Variants in PCSK5 observed in about 807,000 individuals in gnomAD.
PCSK5 encodes the protein prohormone convertase 5.
A neutral mutation model predicts 233.2 loss-of-function variants in PCSK5; 129 were observed. The ratio of observed to expected loss-of-function variants is 0.55; its 90% CI spans 0.48 to 0.64. The LOEUF is 0.64. Among genes scored for constraint, PCSK5 ranks in the 30% least tolerant of loss-of-function variants. The probability of loss-of-function intolerance (pLI) is 0.00; values close to 1 mark genes in which losing one functional copy is unlikely to be tolerated. For synonymous variants in PCSK5, 825 were observed against 879.2 expected (o/e 0.94, Z 1.09); for missense variants, 2,076 against 2,430.1 (o/e 0.85, Z 3.06).
chr9:76,273,063 G>T (rs1469949473), intron 24 of PCSK5, among the ~76,000 whole-genome samples: 1 of 152,058 alleles, frequency 6.6e-6, no homozygotes, highest in African/African-American at 2.4e-5. Flanking sequence ...AAGGGGAACT[G>T]AATAAATCCT....
At chr9:76,294,716 A>T (rs572831704) in intron 25 of PCSK5, among the ~76,000 whole-genome samples, 47 of 152,130 alleles carry the variant, frequency 3.1e-4, no homozygotes, top group African/African-American at 8.2e-4. Context: ...ATAAATAAGT[A>T]TCAGTACCCC....
At chr9:76,243,580 C>T (rs1175482645) in intron 24 of PCSK5, among the ~76,000 whole-genome samples, 2 of 152,160 alleles carry the variant, frequency 1.3e-5, no homozygotes, top group African/African-American at 2.4e-5. Context: ...CTTTGTTGAT[C>T]TCTCCAATAG....
chr9:76,344,695 A>C (rs895322459), intron 35 of PCSK5, among the ~76,000 whole-genome samples: 1 of 152,076 alleles, frequency 6.6e-6, no homozygotes, highest in African/African-American at 2.4e-5. Context: ...TCATTACTGG[A>C]TGTGTGGGAC....
At chr9:76,096,228 G>T in intron 8 of PCSK5, 126 bp downstream of exon 8, 1 of 634,508 alleles carries the variant, frequency 1.6e-6, no homozygotes, top group Non-Finnish European at 2.7e-6. Context: ...AGTAATATAT[G>T]GAAATAGGAA....
At chr9:75,973,947 A>G (rs770712271) in intron 2 of PCSK5, among the ~76,000 whole-genome samples, 75 of 152,348 alleles carry the variant, frequency 4.9e-4, no homozygotes, top group Non-Finnish European at 6.8e-4. Flanking sequence ...TTGACACAAC[A>G]GACTCCAGGG....
chr9:76,155,681 C>T (rs960944401), intron 10 of PCSK5, among the ~76,000 whole-genome samples: 2 of 152,102 alleles, frequency 1.3e-5, no homozygotes, highest in Non-Finnish European at 2.9e-5. Context: ...GATGGATTGA[C>T]AAATTAATTA....
In PCSK5 at chr9:75,993,293, A is replaced by G. The variant is rs1219414170; in HGVS notation, c.411+7048A>G. Reference sequence around the variant, plus strand: ...AAATAATGGACTGGTAGGAACTAGTAAGAGTTGAGATGTGGTTTTGTTGTA... The same window carrying G: ...AAATAATGGACTGGTAGGAACTAGTGAGAGTTGAGATGTGGTTTTGTTGTA... On this transcript the variant is annotated intron_variant, in intron 3 of 37. Transcript: ENST00000674117. Among the ~76,000 whole-genome samples the G allele has an allele frequency of 2.6e-5, 4 of 152,078 alleles. No individual in the cohort carries two copies. The East Asian group carries it at 7.8e-4, about 29-fold the overall frequency.
At chr9:75,965,484 C>T (rs1825544382) in intron 2 of PCSK5, among the ~76,000 whole-genome samples, 1 of 152,154 alleles carries the variant, frequency 6.6e-6, no homozygotes, top group East Asian at 1.9e-4. Context: ...GGGCAGAAGA[C>T]CAGTGCCCCA....
At chr9:76,161,901 C>T (rs185303533) in intron 12 of PCSK5, among the ~76,000 whole-genome samples, 3 of 152,308 alleles carry the variant, frequency 2.0e-5, no homozygotes, top group Admixed American at 6.5e-5. Flanking sequence ...TATAGCGCAC[C>T]TCAGTCTCCC....
chr9:75,975,753 G>A (rs10781322), intron 2 of PCSK5, among the ~76,000 whole-genome samples: 93,069 of 152,028 alleles, frequency 0.61, 28,919 homozygotes, highest in Middle Eastern at 0.7. Flanking sequence ...CAATACTAAG[G>A]CCAGAGTGAT....
chr9:76,136,731 A>G (rs1317736224), intron 10 of PCSK5, among the ~76,000 whole-genome samples: 1 of 150,828 alleles, frequency 6.6e-6, no homozygotes, highest in African/African-American at 2.4e-5. Flanking sequence ...AAAGTAGTTT[A>G]AAAAAAAATA....
chr9:76,270,680 GAC>G (rs1255864839), intron 24 of PCSK5, among the ~76,000 whole-genome samples: 11 of 152,236 alleles, frequency 7.2e-5, no homozygotes, highest in Admixed American at 7.2e-4. Flanking sequence ...AGCCTGGAGA[GAC>G]ATTCTTTAGC....
At chr9:76,342,015 G>C (rs1726508585) in intron 35 of PCSK5, among the ~76,000 whole-genome samples, 2 of 152,188 alleles carry the variant, frequency 1.3e-5, no homozygotes. Context: ...TCTAGTCCTG[G>C]AGCAGAGAAG....
At chr9:76,282,465 A>G (rs1330066334) in intron 24 of PCSK5, among the ~76,000 whole-genome samples, 3 of 149,214 alleles carry the variant, frequency 2.0e-5, no homozygotes, top group African/African-American at 5.0e-5. Context: ...GACTACAAGC[A>G]CTTGCCAATA....
intron 5 of PCSK5, among the ~76,000 whole-genome samples, chr9:76,040,377 C>CTGTCTCTCTG (rs1563988613): frequency 5.0e-5 from 3 of 59,796 alleles, no homozygotes; most frequent in African/African-American, 8.3e-5. Context: ...CTCTCTCTCT[C>CTGTCTCTCTG]TCTCTCTGTC....
intron 3 of PCSK5, among the ~76,000 whole-genome samples, chr9:76,015,532 A>G (rs1450889289): frequency 6.6e-6 from 1 of 152,222 alleles, no homozygotes; most frequent in Non-Finnish European, 1.5e-5. Flanking sequence ...GTGGCTTGTA[A>G]TTTCATTAGG....
At chr9:76,187,398 T>G (rs577311269) in intron 17 of PCSK5, among the ~76,000 whole-genome samples, 1 of 152,304 alleles carries the variant, frequency 6.6e-6, no homozygotes, top group Non-Finnish European at 1.5e-5. Context: ...AGACAGAGTC[T>G]TGCTCTGACA....
At chr9:76,006,887 G>T (rs1827501101) in intron 3 of PCSK5, among the ~76,000 whole-genome samples, 1 of 152,066 alleles carries the variant, frequency 6.6e-6, no homozygotes, top group Non-Finnish European at 1.5e-5. Context: ...TGTATTTTTT[G>T]GTGTGGAGGT....
intron 9 of PCSK5, among the ~76,000 whole-genome samples, chr9:76,117,092 T>TC (rs1250843137): frequency 6.6e-6 from 1 of 152,124 alleles, no homozygotes; most frequent in Non-Finnish European, 1.5e-5. Flanking sequence ...ACTTTTTTTT[T>TC]CACATTTCTG....
Sources: allele counts gnomAD v4.1 joint callset (sites outside exome capture counted in the v4.1 genomes callset), GRCh38; gene constraint gnomAD v4.1.1; transcripts MANE v1.5; gene names NCBI Gene and HGNC (gene_info 2026-07-23, HGNC 2026-07-21).